SAMD5: variants seen among roughly 807,000 people sequenced by gnomAD.
SAMD5 encodes sterile alpha motif domain containing 5.
In SAMD5, 13 loss-of-function variants were observed where a neutral mutation model predicts 11.3. The observed-to-expected ratio is 1.15, with a 90% CI of 0.75 to 1.83. The LOEUF (loss-of-function observed/expected upper bound fraction) is 1.83. Ranked by LOEUF, SAMD5 falls within the 40% of genes most tolerant of loss-of-function variation. SAMD5 has a pLI of 0.00. For missense variants in SAMD5, 255 were observed against 239.1 expected (o/e 1.07, Z -0.44); for synonymous variants, 129 against 111.3 (o/e 1.16, Z -1.00).
At chr6:147,788,343 T>C in the SAMD5 span, among the ~76,000 whole-genome samples, 3 of 152,112 alleles carry the variant, frequency 2.0e-5, no homozygotes, top group East Asian at 5.8e-4. Context: ...TACTGAAGAG[T>C]TTGGCATATT....
chr6:147,927,873 G>A, the SAMD5 span, among the ~76,000 whole-genome samples: 1 of 152,162 alleles, frequency 6.6e-6, no homozygotes, highest in Non-Finnish European at 1.5e-5. Flanking sequence ...TTTTTAACAT[G>A]AAGAAATGTT....
At chr6:147,612,799 C>T (rs1477398607) in intron 1 of SAMD5, among the ~76,000 whole-genome samples, 1 of 152,182 alleles carries the variant, frequency 6.6e-6, no homozygotes, top group Admixed American at 6.5e-5. Context: ...TATGTAAGCT[C>T]CTTTCTTCAT....
downstream of SAMD5, among the ~76,000 whole-genome samples, chr6:147,573,490 G>GT (rs555657202): frequency 6.2e-3 from 946 of 152,266 alleles, 7 homozygotes; most frequent in Non-Finnish European, 9.6e-3. Flanking sequence ...CTCCCATGAG[G>GT]TCCCTCCCTT....
the SAMD5 span, among the ~76,000 whole-genome samples, chr6:147,922,886 A>G: frequency 6.6e-6 from 1 of 152,196 alleles, no homozygotes; most frequent in Non-Finnish European, 1.5e-5. Flanking sequence ...CAGTTCCAGC[A>G]TCAAGGGCTC....
At chr6:147,787,754 T>C in the SAMD5 span, among the ~76,000 whole-genome samples, 55,038 of 152,112 alleles carry the variant, frequency 0.36, 10,536 homozygotes, top group African/African-American at 0.5. Flanking sequence ...TGGTCAAGCA[T>C]GGAGTACCGA....
At chr6:147,752,409 G>T in the SAMD5 span, among the ~76,000 whole-genome samples, 1 of 152,108 alleles carries the variant, frequency 6.6e-6, no homozygotes, top group Non-Finnish European at 1.5e-5. Context: ...ATATATTTAT[G>T]AATTTTTCAA....
chr6:147,554,370 G>A (rs549040937), intron 1 of SAMD5, among the ~76,000 whole-genome samples: 2 of 152,302 alleles, frequency 1.3e-5, no homozygotes, highest in Admixed American at 1.3e-4. Context: ...TCGCTAAAGA[G>A]GATGACGCTG....
In SAMD5 at chr6:147,569,789, T is replaced by C. The variant is rs1789107800; in HGVS notation, c.*5333T>C. 3 of 985,284 alleles carry C rather than the reference T, an allele frequency of 3.0e-6. No individual in the cohort carries two copies. The highest frequency in any genetic ancestry group is 3.6e-6 in the Non-Finnish European group (3 of 829,792). The allele number at this position is 985,284 out of a possible 1,614,324, so 61.0% of individuals were successfully genotyped here. Reference sequence around the variant, plus strand: ...GAAAATCTACATGTGTATATCTGAGTAGCGAAGCACAGATTCACTCTAATT... The same window carrying C: ...GAAAATCTACATGTGTATATCTGAGCAGCGAAGCACAGATTCACTCTAATT... On this transcript the variant is annotated 3_prime_UTR_variant, in exon 2 of 2. Coordinates refer to ENST00000367474, the MANE Select transcript of SAMD5 (RefSeq NM_001030060.3).
chr6:147,874,281 A>C, the SAMD5 span, among the ~76,000 whole-genome samples: 5 of 152,198 alleles, frequency 3.3e-5, no homozygotes, highest in African/African-American at 1.2e-4. Context: ...AGATTTCTTC[A>C]TCCCATTATT....
intron 1 of SAMD5, among the ~76,000 whole-genome samples, chr6:147,683,258 G>T (rs1790964789): frequency 6.6e-6 from 1 of 152,070 alleles, no homozygotes; most frequent in Admixed American, 6.5e-5. Flanking sequence ...CTTGAAAAGG[G>T]GCTTATTTAC....
the SAMD5 span, among the ~76,000 whole-genome samples, chr6:147,813,476 GTA>G: frequency 6.6e-6 from 1 of 152,122 alleles, no homozygotes; most frequent in Non-Finnish European, 1.5e-5. Context: ...AGCTATACAA[GTA>G]TATATATGTA....
chr6:147,722,987 G>A (rs189939257), intron 1 of SAMD5, among the ~76,000 whole-genome samples: 1 of 151,734 alleles, frequency 6.6e-6, no homozygotes, highest in Admixed American at 6.5e-5. Context: ...GGAAGCTGAA[G>A]GCTATTTCCT....
intron 1 of SAMD5, among the ~76,000 whole-genome samples, chr6:147,632,032 G>A (rs186585877): frequency 2.0e-5 from 3 of 152,334 alleles, no homozygotes; most frequent in Admixed American, 2.0e-4. Flanking sequence ...TGTGTGGGAA[G>A]AGATTGATAG....
At chr6:147,791,553 A>C in the SAMD5 span, among the ~76,000 whole-genome samples, 1 of 152,280 alleles carries the variant, frequency 6.6e-6, no homozygotes, top group East Asian at 1.9e-4. Flanking sequence ...TGTGACCATC[A>C]TTAGTATACC....
chr6:147,683,620 G>T (rs573805824), intron 1 of SAMD5, among the ~76,000 whole-genome samples: 80 of 152,178 alleles, frequency 5.3e-4, no homozygotes, highest in African/African-American at 1.8e-3. Flanking sequence ...CACCTTCCTT[G>T]CAAGGTGCAT....
intron 1 of SAMD5, among the ~76,000 whole-genome samples, chr6:147,657,463 G>A (rs899282821): frequency 3.9e-5 from 6 of 151,992 alleles, no homozygotes; most frequent in African/African-American, 1.2e-4. Flanking sequence ...GAGAGAGAGC[G>A]AGAGAGAGAG....
chr6:147,735,297 A>AT (rs1562363161), intron 1 of SAMD5, among the ~76,000 whole-genome samples: 1 of 152,244 alleles, frequency 6.6e-6, no homozygotes, highest in Non-Finnish European at 1.5e-5. Flanking sequence ...AAAGACAGCT[A>AT]TTATAATGGC....
chr6:147,601,647 T>C (rs1274941209), intron 1 of SAMD5, among the ~76,000 whole-genome samples: 1 of 152,212 alleles, frequency 6.6e-6, no homozygotes, highest in Non-Finnish European at 1.5e-5. Context: ...GTCCTGGTCA[T>C]GAATTGAAAC....
At chr6:147,717,912 A>G (rs1326456032) in intron 1 of SAMD5, among the ~76,000 whole-genome samples, 1 of 152,180 alleles carries the variant, frequency 6.6e-6, no homozygotes, top group Non-Finnish European at 1.5e-5. Flanking sequence ...TATGCCACCA[A>G]CAAGATATTC....
Sources: gnomAD v4.1 joint callset for allele counts (sites outside exome capture counted in the v4.1 genomes callset) on GRCh38, gnomAD v4.1.1 for gene constraint, MANE v1.5 for transcripts, NCBI Gene and HGNC (gene_info 2026-07-23, HGNC 2026-07-21) for gene names.